The following SLC3A1 variants were observed in gnomAD, a reference collection of about 807,000 sequenced individuals.
SLC3A1 encodes the protein amino acid transporter heavy chain SLC3A1.
In SLC3A1, 78 loss-of-function variants were observed where a neutral mutation model predicts 60.3. The ratio of observed to expected loss-of-function variants is 1.29; its 90% CI spans 1.08 to 1.56. SLC3A1 has a LOEUF of 1.56. Ranked by LOEUF, SLC3A1 falls within the 40% of genes most tolerant of loss-of-function variation. SLC3A1 has a pLI of 0.00. For missense variants in SLC3A1, 1,172 were observed against 858.9 expected, an observed-to-expected ratio of 1.36 and a Z score of -4.56; for synonymous variants, 392 against 307.9, an observed-to-expected ratio of 1.27 and a Z score of -2.86.
At chr2:44,319,164 AT>A (rs1313932382) in intron 9 of SLC3A1, 2 of 152,672 alleles carry the variant, frequency 1.3e-5, no homozygotes, top group African/African-American at 4.8e-5. Context: ...TTAGATAATT[AT>A]TTAAAGACCA....
intron 7 of SLC3A1, among the ~76,000 whole-genome samples, chr2:44,311,821 C>T (rs1402147763): frequency 6.6e-6 from 1 of 151,860 alleles, no homozygotes; most frequent in Non-Finnish European, 1.5e-5. Context: ...TAGACTACTA[C>T]TTGAATAAAT....
intron 5 of SLC3A1, 130 bp downstream of exon 5, chr2:44,300,220 T>C (rs1671968054): frequency 1.1e-6 from 1 of 925,354 alleles, no homozygotes; most frequent in South Asian, 1.4e-5. Context: ...CCCTGATTTA[T>C]TTCTTTAGGA....
At position 44,286,126 on chromosome 2, in the gene SLC3A1, T is replaced by A. The variant is rs1247214318; in HGVS notation, c.860T>A (p.Phe287Tyr). Residue 287 changes from phenylalanine to tyrosine, a missense_variant, in exon 4 of 10, where the codon TTC becomes TAC. Coordinates refer to ENST00000260649, the MANE Select transcript of SLC3A1 (RefSeq NM_000341.4). ...ATGAAAGAGCAACCTGATTTAAATT[T>A]CCGCAATCCTGATGTTCAAGAAGAA... ...QFMKEQPDLN[F>Y]RNPDVQEEIK... The A allele has an allele frequency of 1.2e-6, 2 of 1,613,974 alleles. No individual in the cohort carries two copies. The highest frequency in any genetic ancestry group is 1.7e-5 in the Admixed American group (1 of 60,004).
chr2:44,277,261 TC>T (rs1558451401), intron 1 of SLC3A1, among the ~76,000 whole-genome samples: 6 of 151,828 alleles, frequency 4.0e-5, no homozygotes, highest in Admixed American at 6.6e-5. Context: ...GCATGCACCA[TC>T]ATGCCTGGCT....
chr2:44,280,398 C>G (rs1238641198), intron 1 of SLC3A1, among the ~76,000 whole-genome samples: 1 of 151,896 alleles, frequency 6.6e-6, no homozygotes, highest in Non-Finnish European at 1.5e-5. Flanking sequence ...GGTACTGTAC[C>G]CAGCTAATTT....
At chr2:44,321,554 T>G, downstream of SLC3A1, 1 of 1,511,782 alleles carries the variant, frequency 6.6e-7, no homozygotes, top group Non-Finnish European at 8.8e-7. Context: ...AGTCAGCAAT[T>G]TATGGCAAGA....
chr2:44,297,227 T>C (rs905405680), intron 4 of SLC3A1, among the ~76,000 whole-genome samples: 3 of 152,146 alleles, frequency 2.0e-5, no homozygotes, highest in Non-Finnish European at 2.9e-5. Flanking sequence ...ATGAGAAAAG[T>C]AGGGAGAGCC....
In SLC3A1 at chr2:44,284,389, T is replaced by C. The variant is rs1207706606; in HGVS notation, c.766-1643T>C. 2.0e-5 allele frequency among the ~76,000 whole-genome samples: 3 copies of C among 152,260 alleles called. No individual in the cohort carries two copies. In the East Asian group the frequency reaches 5.8e-4, roughly 29 times the overall value. On this transcript the variant is annotated intron_variant, in intron 3 of 9. Coordinates refer to ENST00000260649, the MANE Select transcript of SLC3A1 (RefSeq NM_000341.4). ...CACCACGCCCAACCAAGGGCTTCTT[T>C]TAGGTAAATAACTAGGAGTAAAATT...
chr2:44,290,558 A>G (rs947977880), intron 4 of SLC3A1, among the ~76,000 whole-genome samples: 1 of 152,156 alleles, frequency 6.6e-6, no homozygotes, highest in Non-Finnish European at 1.5e-5. Flanking sequence ...ATTCATGAAC[A>G]TGAGATGTCT....
chr2:44,300,945 G>A (rs1671987351), intron 5 of SLC3A1, 58 bp from the exon 6 acceptor site: 20 of 1,608,888 alleles, frequency 1.2e-5, no homozygotes, highest in African/African-American at 6.7e-5. Context: ...CATATAGAGC[G>A]AGCTGTGGGC....
intron 6 of SLC3A1, chr2:44,303,781 C>G (rs1393622175): frequency 2.4e-6 from 1 of 411,522 alleles, no homozygotes; most frequent in Non-Finnish European, 4.6e-6. Context: ...TGCCCTGTGT[C>G]CATGTGTTCT....
chr2:44,311,692 A>G (rs1404834539), intron 7 of SLC3A1, among the ~76,000 whole-genome samples: 1 of 150,670 alleles, frequency 6.6e-6, no homozygotes, highest in East Asian at 1.9e-4. Context: ...AAACGTAATT[A>G]TAAAGATCAT....
chr2:44,292,613 G>A (rs1273384533), intron 4 of SLC3A1, among the ~76,000 whole-genome samples: 1 of 152,076 alleles, frequency 6.6e-6, no homozygotes, highest in Non-Finnish European at 1.5e-5. Context: ...CAGGGCAAGC[G>A]CCTAACCTGG....
At chr2:44,281,295 G>T in intron 2 of SLC3A1, 92 bp from the exon 3 acceptor site, 1 of 1,121,038 alleles carries the variant, frequency 8.9e-7, no homozygotes, top group East Asian at 2.4e-5. Flanking sequence ...GTGTATTGGG[G>T]TTACAGGCGT....
In SLC3A1 at chr2:44,289,217, C is replaced by CT. The variant is rs1386202874; in HGVS notation, c.891+3071dup. ...ATATTCTTTTTCTTTTTCTTTTTTT[C>CT]TTTTTTTTTTTGAGACAGGGTCTCA... is the stretch of plus-strand genomic sequence containing the variant. On this transcript the variant is annotated intron_variant, in intron 4 of 9. Coordinates refer to ENST00000260649, the MANE Select transcript of SLC3A1 (RefSeq NM_000341.4). Among the ~76,000 whole-genome samples, 219 of 132,754 alleles carry CT rather than the reference C, an allele frequency of 1.6e-3. 4 individuals carry two copies. Among genetic ancestry groups the CT allele is most frequent in the South Asian group, 0.011 (44 of 4,182 alleles). The allele number at this position is 132,754 out of a possible 152,430, so 87.1% of individuals were successfully genotyped here. A position where few individuals can be genotyped will look rare whatever the true frequency, so the allele number is the denominator to read the frequency against.
At chr2:44,303,940 A>T in intron 6 of SLC3A1, 1 of 650,572 alleles carries the variant, frequency 1.5e-6, no homozygotes, top group East Asian at 2.7e-5. Flanking sequence ...ATAGTATTCC[A>T]TGGTGTGTAT....
At position 44,302,752 on chromosome 2, in the gene SLC3A1, C is replaced by T. The variant is rs186563760; in HGVS notation, c.1137-1391C>T. ...GGGGGAAGTTCTTTTGAAGAAAATA[C>T]CCCACCTAATTTGCAGACATAAACT... On this transcript the variant is annotated intron_variant, in intron 6 of 9. Coordinates refer to ENST00000260649, the MANE Select transcript of SLC3A1 (RefSeq NM_000341.4). 9.6e-4 allele frequency among the ~76,000 whole-genome samples: 146 copies of T among 152,282 alleles called. 1 individual carries two copies. Among genetic ancestry groups the T allele is most frequent in the Admixed American group, 1.8e-3 (27 of 15,296 alleles).
intron 1 of SLC3A1, among the ~76,000 whole-genome samples, chr2:44,276,990 G>T (rs17425932): frequency 0.053 from 8,052 of 152,152 alleles, 288 homozygotes; most frequent in Non-Finnish European, 0.082. Context: ...TGGAAAGTAG[G>T]AATGGGCTTA....
chr2:44,276,511 T>C (rs1264845342), intron 1 of SLC3A1, among the ~76,000 whole-genome samples: 1 of 152,194 alleles, frequency 6.6e-6, no homozygotes, highest in Non-Finnish European at 1.5e-5. Flanking sequence ...GCAGTATGCA[T>C]TCGTCATTAC....
Sources: allele counts gnomAD v4.1 joint callset (sites outside exome capture counted in the v4.1 genomes callset), GRCh38; gene constraint gnomAD v4.1.1; transcripts MANE v1.5; gene names NCBI Gene and HGNC (gene_info 2026-07-23, HGNC 2026-07-21).